The following ASTN2 variants were observed in gnomAD, a reference collection of about 807,000 sequenced individuals.
ASTN2 encodes astrotactin-2.
ASTN2 carries 54 observed loss-of-function variants against 139.8 expected under a neutral mutation model. That is an observed-to-expected ratio of 0.39 (90% confidence interval 0.31 to 0.48). The LOEUF (loss-of-function observed/expected upper bound fraction) is 0.48, where lower values mean the gene tolerates loss of function less well. Ranked by LOEUF, ASTN2 falls within the 20% of genes least tolerant of loss-of-function variation. The pLI is 0.95. For missense variants in ASTN2, 1,565 were observed against 1,725.1 expected (o/e 0.91, Z 1.64); for synonymous variants, 756 against 719.5 (o/e 1.05, Z -0.81).
chr9:117,372,476 C>T (rs72766133), intron 1 of ASTN2, among the ~76,000 whole-genome samples: 2,463 of 152,280 alleles, frequency 0.016, 31 homozygotes, highest in Non-Finnish European at 0.023. Flanking sequence ...AATTGGAAGG[C>T]TTCAAATGCT....
chr9:116,477,675 G>A (rs1365690297), intron 20 of ASTN2, among the ~76,000 whole-genome samples: 1 of 151,694 alleles, frequency 6.6e-6, no homozygotes, highest in Non-Finnish European at 1.5e-5. Flanking sequence ...GAAAGAGACA[G>A]GGGTAGAGAC....
chr9:117,026,234 C>T (rs1838076376), intron 6 of ASTN2, among the ~76,000 whole-genome samples: 1 of 152,058 alleles, frequency 6.6e-6, no homozygotes, highest in African/African-American at 2.4e-5. Context: ...TACCATGGGC[C>T]AGGCCCTTGA....
chr9:116,588,178 T>C (rs73655432), intron 19 of ASTN2, among the ~76,000 whole-genome samples: 3,759 of 152,190 alleles, frequency 0.025, 147 homozygotes, highest in African/African-American at 0.086. Context: ...ATGACACTGG[T>C]CATTGAAAAC....
chr9:117,303,694 A>C (rs1036061574), intron 1 of ASTN2, among the ~76,000 whole-genome samples: 1 of 152,178 alleles, frequency 6.6e-6, no homozygotes, highest in African/African-American at 2.4e-5. Context: ...CTTAATCTTC[A>C]GAACTCAGAT....
At chr9:116,603,856 A>C (rs1855044087) in intron 19 of ASTN2, among the ~76,000 whole-genome samples, 1 of 152,176 alleles carries the variant, frequency 6.6e-6, no homozygotes, top group South Asian at 2.1e-4. Context: ...GGTGACAGGG[A>C]GGGAGAAAGA....
At chr9:116,630,100 G>A (rs1462939878) in intron 17 of ASTN2, among the ~76,000 whole-genome samples, 2 of 152,190 alleles carry the variant, frequency 1.3e-5, no homozygotes, top group African/African-American at 2.4e-5. Flanking sequence ...AGTGCTCAGT[G>A]AGAAATGACA....
chr9:117,250,193 C>A (rs1833499727), intron 2 of ASTN2, among the ~76,000 whole-genome samples: 1 of 152,208 alleles, frequency 6.6e-6, no homozygotes, highest in Admixed American at 6.5e-5. Context: ...ACTGGCAGAA[C>A]CAGCAATGAA....
At chr9:117,314,639 A>G (rs575790181) in intron 1 of ASTN2, among the ~76,000 whole-genome samples, 12 of 146,506 alleles carry the variant, frequency 8.2e-5, no homozygotes, top group African/African-American at 3.0e-4. Context: ...TATAATTATA[A>G]TTATTATATA....
At chr9:116,426,219 G>C in intron 22 of ASTN2, 131 bp from the exon 23 acceptor site, 1 of 1,135,422 alleles carries the variant, frequency 8.8e-7, no homozygotes, top group Non-Finnish European at 1.2e-6. Context: ...ATTGGAGTGT[G>C]GTACTTCAAA....
intron 1 of ASTN2, among the ~76,000 whole-genome samples, chr9:117,388,303 G>A (rs369116841): frequency 5.7e-4 from 87 of 152,164 alleles, no homozygotes; most frequent in African/African-American, 1.9e-3. Context: ...TATCCCAGAC[G>A]GAACATCAAT....
At chr9:117,161,866 T>G (rs1386378628) in intron 3 of ASTN2, among the ~76,000 whole-genome samples, 1 of 147,398 alleles carries the variant, frequency 6.8e-6, no homozygotes, top group Non-Finnish European at 1.5e-5. Context: ...TTCTTTTTCT[T>G]TTTTTTTAGA....
chr9:117,073,840 T>C (rs1828202066), intron 5 of ASTN2, among the ~76,000 whole-genome samples: 1 of 152,164 alleles, frequency 6.6e-6, no homozygotes, highest in Non-Finnish European at 1.5e-5. Context: ...GAGATCCTTC[T>C]AGACTTCACC....
intron 4 of ASTN2, among the ~76,000 whole-genome samples, chr9:117,108,489 G>T (rs1286088340): frequency 7.7e-6 from 1 of 130,480 alleles, no homozygotes; most frequent in Non-Finnish European, 1.8e-5. Flanking sequence ...CATTCAATCT[G>T]TTGGGAGCCC....
At chr9:116,805,589 G>T in intron 13 of ASTN2, 43 bp downstream of exon 13, 1 of 1,585,224 alleles carries the variant, frequency 6.3e-7, no homozygotes, top group Non-Finnish European at 8.6e-7. Context: ...CAGGTTGTTT[G>T]TCAGTGACTC....
chr9:117,010,057 T>G (rs746401933), intron 6 of ASTN2, among the ~76,000 whole-genome samples: 6 of 152,082 alleles, frequency 3.9e-5, no homozygotes, highest in Non-Finnish European at 5.9e-5. Context: ...ACAACATAAT[T>G]TTGGTGCAAA....
intron 5 of ASTN2, among the ~76,000 whole-genome samples, chr9:117,050,050 T>C (rs143426905): frequency 2.3e-4 from 35 of 152,176 alleles, no homozygotes; most frequent in East Asian, 3.9e-4. Context: ...TTACCCAAAA[T>C]GTTAATTTTT....
At position 117,414,818 on chromosome 9, in the gene ASTN2, G is replaced by A. The variant is rs1391070230; in HGVS notation, c.121C>T (p.Leu41=). The change falls in exon 1 of 23, where the codon CTG becomes TTG. Residue 41 remains leucine, a synonymous_variant. Coordinates refer to ENST00000313400, the MANE Select transcript of ASTN2 (RefSeq NM_001365068.1). The surrounding 1 kb of genome is among the most constrained non-coding windows in gnomAD (Gnocchi z 4.2). The stretch of plus-strand genomic sequence containing the variant: ...GCCAGCAGCGGCGGCGGCGGCAGCA[G>A]GAGCAGGAACAGCAGCAGCAGCGGC... ...LLPLLLLFLL[L]LPPPPLLAGA... 89 of 1,218,134 alleles carry A rather than the reference G, an allele frequency of 7.3e-5. No homozygotes were observed. The highest frequency in any genetic ancestry group is 8.6e-5 in the Non-Finnish European group (84 of 978,244). 75.5% of individuals were successfully genotyped at this position (1,218,134 alleles called of 1,614,324 possible).
intron 13 of ASTN2, among the ~76,000 whole-genome samples, chr9:116,796,375 A>G (rs1438896921): frequency 1.3e-5 from 2 of 152,204 alleles, no homozygotes; most frequent in East Asian, 3.9e-4. Flanking sequence ...TTTTCTGGGA[A>G]AAATGGTGGG....
intron 10 of ASTN2, among the ~76,000 whole-genome samples, chr9:116,971,829 A>G (rs1158676874): frequency 6.6e-6 from 1 of 152,112 alleles, no homozygotes; most frequent in Non-Finnish European, 1.5e-5. Context: ...AATCTTCATC[A>G]CTCCATATAT....
Sources: gnomAD v4.1 joint callset for allele counts (sites outside exome capture counted in the v4.1 genomes callset) on GRCh38, gnomAD v4.1.1 for gene constraint, Gnocchi (gnomAD v3.1) non-coding constraint, MANE v1.5 for transcripts, NCBI Gene and HGNC (gene_info 2026-07-23, HGNC 2026-07-21) for gene names.